Variants in SLC9A8 observed in about 807,000 individuals in gnomAD.
The protein encoded by SLC9A8 is solute carrier family 9 member A8, also known as sodium/hydrogen exchanger 8.
Under a neutral mutation model 66.6 loss-of-function variants are expected in SLC9A8, and 48 were observed. The observed-to-expected ratio is 0.72, with a 90% CI of 0.57 to 0.92. SLC9A8 has a LOEUF of 0.92. SLC9A8 is among the 40% of genes least tolerant of loss of function. SLC9A8 has a pLI of 0.00. For synonymous variants in SLC9A8, 274 were observed against 282.6 expected, an observed-to-expected ratio of 0.97 and a Z score of 0.31; for missense variants, 599 against 747.3, an observed-to-expected ratio of 0.80 and a Z score of 2.31.
chr20:49,887,521 C>G (rs1347251304), intron 15 of SLC9A8, among the ~76,000 whole-genome samples: 3 of 152,164 alleles, frequency 2.0e-5, no homozygotes, highest in Non-Finnish European at 4.4e-5. Flanking sequence ...GGTGCAGTAA[C>G]CCCGCAAGGT....
Position 49,855,432 on chromosome 20 carries a change from T to C in SLC9A8, c.570-6T>C. On this transcript the variant is annotated splice_polypyrimidine_tract_variant and splice_region_variant and intron_variant, in intron 7 of 15. Transcript: ENST00000361573. ...CAGAATCTCCCCTTCCCTCTGTCTCTTACAGTTTTGCGTTTGGCTCCCTAA... is the reference window on the plus strand; with the variant it reads ...CAGAATCTCCCCTTCCCTCTGTCTCCTACAGTTTTGCGTTTGGCTCCCTAA... 3 of 1,614,016 alleles carry C rather than the reference T, an allele frequency of 1.9e-6. No individual in the cohort carries two copies. The highest frequency in any genetic ancestry group is 2.5e-6 in the Non-Finnish European group (3 of 1,179,862).
chr20:49,816,246 C>T (rs978393379), intron 2 of SLC9A8, among the ~76,000 whole-genome samples: 2 of 151,810 alleles, frequency 1.3e-5, no homozygotes, highest in East Asian at 3.9e-4. Context: ...ATGGTGAAAC[C>T]CTGTCTCTAC....
In SLC9A8 at chr20:49,884,272, A is replaced by G. The variant is rs1168278856; in HGVS notation, c.1491+206A>G. On this transcript the variant is annotated intron_variant, in intron 14 of 15. Coordinates refer to ENST00000361573, the MANE Select transcript of SLC9A8 (RefSeq NM_015266.3). Reference sequence around the variant, plus strand: ...ACACACACACACGACACACACACACACGACACACACACACACGACACACAC... The same window carrying G: ...ACACACACACACGACACACACACACGCGACACACACACACACGACACACAC... 1.3e-4 allele frequency: 31 copies of G among 245,298 alleles called. 2 individuals carry two copies. In the Admixed American group the frequency reaches 1.4e-3, roughly 11 times the overall value. The allele number at this position is 245,298 out of a possible 1,614,324, so 15.2% of individuals were successfully genotyped here.
At chr20:49,847,676 A>G (rs2088056279) in intron 5 of SLC9A8, among the ~76,000 whole-genome samples, 1 of 152,120 alleles carries the variant, frequency 6.6e-6, no homozygotes, top group Non-Finnish European at 1.5e-5. Flanking sequence ...ATCAGTTGAT[A>G]TGCATTAGCT....
chr20:49,834,177 C>A (rs1397386702), intron 3 of SLC9A8, among the ~76,000 whole-genome samples: 179 of 56,808 alleles, frequency 3.2e-3, no homozygotes, highest in Non-Finnish European at 4.4e-3. Context: ...CTCTCTCTCT[C>A]TCTCTCTCTA....
chr20:49,880,920 A>T lies in SLC9A8; in HGVS notation c.1159-4A>T. ...CCTAAGACTTAGTTTGTTGCTATCA[A>T]CAGGTGCTTGTACTATTTGGCAGAG... On this transcript the variant is annotated splice_region_variant and splice_polypyrimidine_tract_variant and intron_variant, in intron 12 of 15. Transcript: ENST00000361573. 1 of 1,600,430 alleles carries T rather than the reference A, an allele frequency of 6.2e-7. No homozygotes were observed. The highest frequency in any genetic ancestry group is 1.1e-5 in the South Asian group (1 of 90,780).
intron 7 of SLC9A8, among the ~76,000 whole-genome samples, chr20:49,853,832 A>T (rs1011260623): frequency 2.6e-5 from 4 of 152,084 alleles, no homozygotes. Context: ...ATCCGGAGGC[A>T]CTCTGGGTTA....
At chr20:49,847,371 GT>G (rs1439661480) in intron 5 of SLC9A8, among the ~76,000 whole-genome samples, 2 of 142,882 alleles carry the variant, frequency 1.4e-5, no homozygotes, top group African/African-American at 2.6e-5. Flanking sequence ...AGCATGTAAA[GT>G]TTTTCTTTTC....
intron 9 of SLC9A8, 64 bp from the exon 10 acceptor site, chr20:49,864,675 G>T (rs2088888915): frequency 9.1e-7 from 1 of 1,102,886 alleles, no homozygotes; most frequent in African/African-American, 1.5e-5. Context: ...CAGCAGTTTT[G>T]TGACTTCTCC....
At chr20:49,839,312 C>G (rs2087668837) in intron 3 of SLC9A8, among the ~76,000 whole-genome samples, 1 of 152,166 alleles carries the variant, frequency 6.6e-6, no homozygotes, top group African/African-American at 2.4e-5. Flanking sequence ...TACTTTTCCT[C>G]CCCCACAGCC....
Position 49,839,572 on chromosome 20 carries a change from A to G in SLC9A8, c.321A>G (p.Ile107Met). ...TCATGGGAGCAGTTATAAAAATTAT[A>G]GAGTTTAAAAAACTGGCGAATTGGA... ...GILMGAVIKI[I>M]EFKKLANWKE... is the part of the protein sequence containing the mutation. The change falls in exon 4 of 16, where the codon ATA becomes ATG. Residue 107 changes from isoleucine (I) to methionine (M), a missense_variant. Coordinates refer to ENST00000361573, the MANE Select transcript of SLC9A8 (RefSeq NM_015266.3). The G allele has an allele frequency of 6.2e-7, 1 of 1,601,112 alleles. No individual in the cohort carries two copies.
intron 10 of SLC9A8, among the ~76,000 whole-genome samples, chr20:49,870,827 T>C (rs2089182993): frequency 6.6e-6 from 1 of 152,216 alleles, no homozygotes; most frequent in Non-Finnish European, 1.5e-5. Context: ...CTCAGCCTCC[T>C]GAGTAGCTGG....
chr20:49,845,825 A>ATTTTTTTT (rs2087963133), intron 5 of SLC9A8, among the ~76,000 whole-genome samples: 1 of 150,440 alleles, frequency 6.6e-6, no homozygotes, highest in Non-Finnish European at 1.5e-5. Context: ...CCAGTGTGAG[A>ATTTTTTTT]TGTTTTTTTT....
At chr20:49,856,487 G>A (rs1209876596) in intron 8 of SLC9A8, among the ~76,000 whole-genome samples, 4 of 152,092 alleles carry the variant, frequency 2.6e-5, no homozygotes, top group Admixed American at 2.6e-4. Context: ...TACCCTAATT[G>A]ATGGGATCTG....
rs949708399 is a variant in SLC9A8, at chr20:49,864,810, G to C, written c.924G>C (p.Leu308=). Residue 308 remains leucine, a synonymous_variant, in exon 10 of 16, where the codon CTG becomes CTC. Transcript: ENST00000361573. ...GCATGATGATCATTTTTGCTTATCT[G>C]CCTTATGGGCTTGCAGAAGGAATCT... ...EFGMMIIFAY[L]PYGLAEGISL... is the part of the protein sequence containing the mutation. 2 of 1,613,752 alleles carry C rather than the reference G, an allele frequency of 1.2e-6. No individual in the cohort carries two copies. Among genetic ancestry groups the C allele is most frequent in the Admixed American group, 1.7e-5 (1 of 60,004 alleles).
rs1319148137 is a variant in SLC9A8 at position 49,834,175 on chromosome 20, CTCTCTCTCTCTATATATA to C, written c.290-5364_290-5347del. 6.8e-3 allele frequency among the ~76,000 whole-genome samples: 394 copies of C among 57,950 alleles called. 3 individuals carry two copies. The highest frequency in any genetic ancestry group is 9.4e-3 in the Non-Finnish European group (274 of 29,268). The allele number at this position is 57,950 out of a possible 152,430, so 38.0% of individuals were successfully genotyped here. A position where few individuals can be genotyped will look rare whatever the true frequency, so the allele number is the denominator to read the frequency against. On this transcript the variant is annotated intron_variant, in intron 3 of 15. Coordinates refer to ENST00000361573, the MANE Select transcript of SLC9A8 (RefSeq NM_015266.3). The stretch of plus-strand genomic sequence containing the variant: ...TCTCTCTCTCTCTCTCTCTCTCTCT[CTCTCTCTCTCTATATATA>C]TATATATATATATATATATATACAC...
intron 3 of SLC9A8, chr20:49,829,674 C>G (rs1005933965): frequency 4.2e-6 from 2 of 475,404 alleles, no homozygotes; most frequent in African/African-American, 2.0e-5. Flanking sequence ...ACTATTCCAG[C>G]AAGCGGTGGA....
intron 11 of SLC9A8, among the ~76,000 whole-genome samples, chr20:49,877,010 A>C (rs1285265558): frequency 6.6e-6 from 1 of 151,882 alleles, no homozygotes; most frequent in Non-Finnish European, 1.5e-5. Context: ...GTTTTAGGCC[A>C]GGCGCGGTGG....
chr20:49,850,723 A>T, intron 6 of SLC9A8, 87 bp from the exon 7 acceptor site: 1 of 1,526,790 alleles, frequency 6.5e-7, no homozygotes, highest in African/African-American at 1.4e-5. Flanking sequence ...TAGTTTTAAT[A>T]AAGCACTAAT....
Sources: gnomAD v4.1 joint callset for allele counts (sites outside exome capture counted in the v4.1 genomes callset) on GRCh38, gnomAD v4.1.1 for gene constraint, MANE v1.5 for transcripts, NCBI Gene and HGNC (gene_info 2026-07-23, HGNC 2026-07-21) for gene names.